The following NTRK1 variants were observed in gnomAD, a reference collection of about 807,000 sequenced individuals.
The protein encoded by NTRK1 is high affinity nerve growth factor receptor.
NTRK1 carries 62 observed loss-of-function variants against 86.8 expected under a neutral mutation model. The ratio of observed to expected loss-of-function variants is 0.71; its 90% CI spans 0.58 to 0.88. The LOEUF is 0.88. Among genes scored for constraint, NTRK1 ranks in the 40% least tolerant of loss-of-function variants. The pLI is 0.00. For synonymous variants in NTRK1, 469 were observed against 456.6 expected, an observed-to-expected ratio of 1.03 and a Z score of -0.35; for missense variants, 967 against 1,078.4, an observed-to-expected ratio of 0.90 and a Z score of 1.45.
Position 156,874,618 on chromosome 1 carries a change from C to A in NTRK1, c.1243C>A (p.Pro415Thr), listed in dbSNP as rs1647780092. The A allele has an allele frequency of 6.2e-7, 1 of 1,613,852 alleles. No homozygotes were observed. ...GDPVEKKDETPFGVSVAVGLA... is the reference protein window; with the variant it reads ...GDPVEKKDETTFGVSVAVGLA... ...CCCGGTGGAGAAGAAGGACGAAACA[C>A]CTTTTGGGGTGAGATAGGAAGTAGA... The change falls in exon 10 of 17, where the codon CCT becomes ACT. Residue 415 changes from proline to threonine, a missense_variant. Pro to Thr is a conservative substitution (Grantham distance 38). This residue lies in a region of NTRK1 where 637 missense variants were observed against 776.5 expected (regional missense o/e 0.82). Coordinates refer to ENST00000524377, the MANE Select transcript of NTRK1 (RefSeq NM_002529.4).
chr1:156,828,734 C>T (rs1288662986), intron 1 of NTRK1, among the ~76,000 whole-genome samples: 1 of 152,202 alleles, frequency 6.6e-6, no homozygotes, highest in East Asian at 1.9e-4. Flanking sequence ...AGTCTCTGCT[C>T]CACCACCAGA....
At position 156,874,964 on chromosome 1, in the gene NTRK1, T is replaced by C. The variant is rs1367864129; in HGVS notation, c.1310T>C (p.Leu437Pro). The stretch of plus-strand genomic sequence containing the variant: ...TGCCTCTTCCTTTCTACGCTGCTCC[T>C]TGTGCTCAACAAATGTGGACGGAGA... ...FACLFLSTLL[L>P]VLNKCGRRNK... Residue 437 changes from leucine to proline, a missense_variant, in exon 11 of 17, where the codon CTT becomes CCT. This residue lies in a region of NTRK1 where 637 missense variants were observed against 776.5 expected (regional missense o/e 0.82). Coordinates refer to ENST00000524377, the MANE Select transcript of NTRK1 (RefSeq NM_002529.4). 6.2e-7 allele frequency: 1 copy of C among 1,613,954 alleles called. No individual in the cohort carries two copies. The highest frequency in any genetic ancestry group is 2.2e-5 in the East Asian group (1 of 44,856).
Position 156,849,381 on chromosome 1 carries a change from C to T in NTRK1, c.50+7188C>T. On this transcript the variant is annotated intron_variant, in intron 2 of 16. Transcript: ENST00000392302. ...TTGAAGGCGAAGTAGATCTTGCCCA[C>T]GGGAATGGTGAGCCCCGCGGCCACC... 3 of 1,613,044 alleles carry T rather than the reference C, an allele frequency of 1.9e-6. No homozygotes were observed. Among genetic ancestry groups the T allele is most frequent in the Admixed American group, 1.7e-5 (1 of 59,882 alleles).
At chr1:156,840,720 C>A in intron 1 of NTRK1, 2 of 655,490 alleles carry the variant, frequency 3.1e-6, no homozygotes. Flanking sequence ...CTCTGCCCAC[C>A]CCCACAGCCT....
intron 8 of NTRK1, 78 bp from the exon 9 acceptor site, chr1:156,874,305 G>A (rs1394107128): frequency 6.2e-7 from 1 of 1,600,912 alleles, no homozygotes; most frequent in African/African-American, 1.3e-5. Context: ...AGTAGGCAGG[G>A]GACTCACTGC....
intron 11 of NTRK1, 106 bp from the exon 12 acceptor site, chr1:156,875,414 C>G (rs1272707514): frequency 4.8e-6 from 7 of 1,457,528 alleles, no homozygotes; most frequent in Non-Finnish European, 6.7e-6. Flanking sequence ...TTCTCAGTCT[C>G]TCCCCTGCAA....
Position 156,871,882 on chromosome 1 carries a change from G to A in NTRK1, c.850+127G>A, listed in dbSNP as rs1410082. The A allele has an allele frequency of 0.058, 75,619 of 1,314,610 alleles. 4,230 individuals carry two copies. The highest frequency in any genetic ancestry group is 0.27 in the African/African-American group (18,306 of 68,902). The allele number at this position is 1,314,610 out of a possible 1,614,324, so 81.4% of individuals were successfully genotyped here. On this transcript the variant is annotated intron_variant, in intron 7 of 16. Transcript: ENST00000524377. ...TCTCCACAGCTGCTCCCTCCCAGCT[G>A]TTTCCAGATTCCCATGAAAACCTGA...
At chr1:156,864,820 G>T (rs377183440) in intron 3 of NTRK1, 21 bp downstream of exon 3, 1 of 1,609,128 alleles carries the variant, frequency 6.2e-7, no homozygotes, top group African/African-American at 1.3e-5. Flanking sequence ...CCAGTGCTGG[G>T]CAGTGGGAGT....
upstream of NTRK1, chr1:156,860,828 GGCT>G (rs2102878468): frequency 7.4e-7 from 1 of 1,343,014 alleles, no homozygotes; most frequent in Admixed American, 4.1e-5. Flanking sequence ...CTTTCCTGGC[GGCT>G]GGGTCTTTAA....
chr1:156,880,376 G>C, intron 16 of NTRK1: 1 of 603,832 alleles, frequency 1.7e-6, no homozygotes, highest in South Asian at 2.0e-5. Flanking sequence ...CCCAGGCCCA[G>C]TTGGCCCCTG....
intron 1 of NTRK1, chr1:156,816,250 T>A (rs1428984087): frequency 1.2e-6 from 1 of 825,128 alleles, no homozygotes; most frequent in East Asian, 1.2e-4. Context: ...TTCTCAGGCA[T>A]GAGGTTAAGT....
chr1:156,868,800 G>A (rs571267840), intron 6 of NTRK1, among the ~76,000 whole-genome samples, 153 bp downstream of exon 6: 1 of 152,296 alleles, frequency 6.6e-6, no homozygotes, highest in East Asian at 1.9e-4. Flanking sequence ...GACCCACAGG[G>A]CTCAGGCCTA....
At chr1:156,878,110 A>G (rs1366783355) in intron 14 of NTRK1, among the ~76,000 whole-genome samples, 1 of 152,178 alleles carries the variant, frequency 6.6e-6, no homozygotes, top group Non-Finnish European at 1.5e-5. Flanking sequence ...AATGGAGGGA[A>G]TCATTAATGC....
chr1:156,817,001 C>T (rs1654006858), intron 1 of NTRK1: 1 of 331,516 alleles, frequency 3.0e-6, no homozygotes, highest in Non-Finnish European at 5.5e-6. Flanking sequence ...ACCTTCATCC[C>T]TCCAGATTCT....
intron 13 of NTRK1, 41 bp from the exon 14 acceptor site, chr1:156,876,359 T>C (rs2102918802): frequency 6.2e-7 from 1 of 1,612,652 alleles, no homozygotes. Context: ...CAGTGAGGGC[T>C]CGGCCCCCAA....
intron 2 of NTRK1, chr1:156,844,111 G>A (rs2102856098): frequency 1.6e-6 from 2 of 1,223,622 alleles, no homozygotes; most frequent in East Asian, 2.3e-5. Context: ...ACCTCCCTTT[G>A]ACAGACTTTA....
At chr1:156,816,674 C>T (rs1330378782) in intron 1 of NTRK1, 1 of 1,602,006 alleles carries the variant, frequency 6.2e-7, no homozygotes, top group South Asian at 1.1e-5. Context: ...TTCACACTTA[C>T]CTTGGGGACA....
rs1647729865 is a variant in NTRK1 at position 156,873,918 on chromosome 1, T to C, written c.1136T>C (p.Met379Thr). 2.6e-6 allele frequency: 4 copies of C among 1,563,778 alleles called. No individual in the cohort carries two copies. Among genetic ancestry groups the C allele is most frequent in the Non-Finnish European group, 2.6e-6 (3 of 1,153,364 alleles). Residue 379 changes from methionine (M) to threonine (T), a missense_variant, in exon 8 of 17, where the codon ATG becomes ACG. Met to Thr is a moderately conservative substitution (Grantham distance 81). This residue lies in a region of NTRK1 where 637 missense variants were observed against 776.5 expected (regional missense o/e 0.82). Coordinates refer to ENST00000524377, the MANE Select transcript of NTRK1 (RefSeq NM_002529.4). ...QASASIMAAF[M>T]DNPFEFNPED... Reference sequence around the variant, plus strand: ...TCCGCCTCCATCATGGCTGCCTTCATGGACAACCCTTTCGAGTTCAACCCC... The same window carrying C: ...TCCGCCTCCATCATGGCTGCCTTCACGGACAACCCTTTCGAGTTCAACCCC...
chr1:156,846,039 G>T lies in NTRK1; in HGVS notation c.50+3846G>T, dbSNP rs376284825. 5 of 1,613,748 alleles carry T rather than the reference G, an allele frequency of 3.1e-6. No homozygotes were observed. The highest frequency in any genetic ancestry group is 3.4e-6 in the Non-Finnish European group (4 of 1,179,910). On this transcript the variant is annotated intron_variant, in intron 2 of 16. Transcript: ENST00000392302. ...AGGTAGTAGGTGAGGTTCCCATTGCGCTGGGTCGGTGGCTTCCAGCGCACC... is the reference window on the plus strand; with the variant it reads ...AGGTAGTAGGTGAGGTTCCCATTGCTCTGGGTCGGTGGCTTCCAGCGCACC...
Sources: gnomAD v4.1 joint callset for allele counts (sites outside exome capture counted in the v4.1 genomes callset) on GRCh38, gnomAD v4.1.1 for gene constraint, gnomAD v4.1.1 regional missense constraint, MANE v1.5 for transcripts, NCBI Gene and HGNC (gene_info 2026-07-23, HGNC 2026-07-21) for gene names.